CARMIL3: variants seen among roughly 807,000 people sequenced by gnomAD.
CARMIL3 encodes capping protein regulator and myosin 1 linker 3, also known as capping protein, Arp2/3 and myosin-I linker protein 3.
A neutral mutation model predicts 180.8 loss-of-function variants in CARMIL3; 88 were observed. That is an observed-to-expected ratio of 0.49 (90% confidence interval 0.41 to 0.58). The LOEUF is 0.58. CARMIL3 is among the 20% of genes least tolerant of loss of function. CARMIL3 has a pLI of 0.00. For missense variants in CARMIL3, 1,548 were observed against 1,787.0 expected, an observed-to-expected ratio of 0.87 and a Z score of 2.41; for synonymous variants, 696 against 714.5, an observed-to-expected ratio of 0.97 and a Z score of 0.41.
intron 34 of CARMIL3, 26 bp from the exon 35 acceptor site, chr14:24,066,372 T>TA: frequency 1.2e-6 from 2 of 1,612,176 alleles, no homozygotes; most frequent in Non-Finnish European, 1.7e-6. Context: ...GAGACTTTCT[T>TA]ACAACCTGAC....
intron 14 of CARMIL3, among the ~76,000 whole-genome samples, chr14:24,057,532 C>T (rs1041293624): frequency 1.3e-5 from 2 of 152,164 alleles, no homozygotes; most frequent in South Asian, 2.1e-4. Context: ...AACAAGGCAC[C>T]TTAGGAGTCA....
intron 30 of CARMIL3, 63 bp downstream of exon 30, chr14:24,063,246 C>T (rs1249439319): frequency 1.3e-6 from 2 of 1,594,994 alleles, no homozygotes; most frequent in Non-Finnish European, 1.7e-6. Context: ...CCCCTCTTTC[C>T]CTTGATTTTT....
Position 24,055,760 on chromosome 14 carries a change from G to T in CARMIL3, c.741G>T (p.Glu247Asp), listed in dbSNP as rs776629002. Residue 247 changes from glutamate to aspartate, a missense_variant, in exon 10 of 40, where the codon GAG (glutamate) becomes GAT (aspartate). By Grantham distance (45) the Glu-to-Asp change is conservative (BLOSUM62 2). Coordinates refer to ENST00000342740, the MANE Select transcript of CARMIL3 (RefSeq NM_138360.4). ...HTLSKSGSLE[E>D]LVLDNAGLKT... Reference sequence around the variant, plus strand: ...TAAGCAAGTCGGGGAGCCTCGAAGAGCTGGTGCTGGACAACGCCGGGCTTA... The same window carrying T: ...TAAGCAAGTCGGGGAGCCTCGAAGATCTGGTGCTGGACAACGCCGGGCTTA... 5 of 1,614,094 alleles carry T rather than the reference G, an allele frequency of 3.1e-6. No homozygotes were observed. The East Asian group carries it at 1.1e-4, about 36-fold the overall frequency.
Position 24,059,455 on chromosome 14 carries a change from C to G in CARMIL3, c.1799+13C>G. The stretch of plus-strand genomic sequence containing the variant: ...ACTCCTCCCTCAGGTGGGGCCCACA[C>G]CGGGACCCCCTGACCTGGAGCCCCA... On this transcript the variant is annotated intron_variant, in intron 21 of 39. Coordinates refer to ENST00000342740, the MANE Select transcript of CARMIL3 (RefSeq NM_138360.4). This position sits in a 1 kb window ranked among gnomAD's most constrained non-coding sequence, Gnocchi z 6.3. 6.4e-7 allele frequency: 1 copy of G among 1,558,766 alleles called. No individual in the cohort carries two copies. Among genetic ancestry groups the G allele is most frequent in the Non-Finnish European group, 8.7e-7 (1 of 1,151,176 alleles).
intron 32 of CARMIL3, 35 bp from the exon 33 acceptor site, chr14:24,064,923 G>A (rs1276968450): frequency 1.9e-6 from 3 of 1,598,002 alleles, no homozygotes; most frequent in Non-Finnish European, 2.6e-6. Flanking sequence ...GCTTGCATCT[G>A]GCATTTGTTG....
intron 24 of CARMIL3, 152 bp from the exon 25 acceptor site, chr14:24,060,476 A>C: frequency 7.9e-7 from 1 of 1,264,498 alleles, no homozygotes. Context: ...TCAGCTGGGC[A>C]TTCAAGAAGG....
In CARMIL3 at chr14:24,056,622, G is replaced by A. The variant is rs1266073139; in HGVS notation, c.866G>A (p.Gly289Asp). 10 of 1,613,904 alleles carry A rather than the reference G, an allele frequency of 6.2e-6. No homozygotes were observed. Among genetic ancestry groups the A allele is most frequent in the Non-Finnish European group, 8.5e-6 (10 of 1,180,010 alleles). Residue 289 changes from glycine (G) to aspartate (D), a missense_variant and splice_region_variant, in exon 12 of 40, where the codon GGT becomes GAT. Gly to Asp is a moderately conservative substitution (Grantham distance 94). Around this residue, in one of 4 missense-constraint regions of CARMIL3, gnomAD observed 578 missense variants for 666.5 expected, o/e 0.87. Coordinates refer to ENST00000342740, the MANE Select transcript of CARMIL3 (RefSeq NM_138360.4). Reference protein sequence around the residue: ...TLSHNPIEDKGFLSLSQQLLC... With the variant: ...TLSHNPIEDKDFLSLSQQLLC... ...GCCCGTTTCTCTCTCCACTCCCCAG[G>A]TTTTCTCAGTCTGAGCCAGCAGCTC...
chr14:24,069,473 C>A lies in CARMIL3; in HGVS notation c.*69C>A. The stretch of plus-strand genomic sequence containing the variant: ...AAGGACTCAGACCCCTATCCACCCC[C>A]AGTCCCCAGGGCCCCCTGCCAGCCC... On this transcript the variant is annotated 3_prime_UTR_variant, in exon 40 of 40. Transcript: ENST00000342740. The A allele has an allele frequency of 6.2e-7, 1 of 1,601,404 alleles. No homozygotes were observed. The highest frequency in any genetic ancestry group is 8.5e-7 in the Non-Finnish European group (1 of 1,170,880).
At chr14:24,068,757 C>G in intron 37 of CARMIL3, 29 bp from the exon 38 acceptor site, 1 of 1,614,014 alleles carries the variant, frequency 6.2e-7, no homozygotes, top group Non-Finnish European at 8.5e-7. Context: ...AAGGGACTAA[C>G]TGACCCAGCA....
At position 24,060,040 on chromosome 14, in the gene CARMIL3, C is replaced by A; in HGVS notation, c.1939C>A (p.Arg647Ser). Residue 647 changes from arginine to serine, a missense_variant, in exon 23 of 40, where the codon CGC becomes AGC. Coordinates refer to ENST00000342740, the MANE Select transcript of CARMIL3 (RefSeq NM_138360.4). The part of the protein sequence containing the change: ...ISQAYRSAPE[R>S]TEDVWQKIQW... The stretch of plus-strand genomic sequence containing the variant: ...CCAAGCCTATCGCAGCGCGCCTGAG[C>A]GCACCGAGGACGTCTGGCAGAAGGT... The A allele has an allele frequency of 1.1e-5, 17 of 1,613,918 alleles. No individual in the cohort carries two copies. The highest frequency in any genetic ancestry group is 1.4e-5 in the Non-Finnish European group (17 of 1,180,038).
intron 32 of CARMIL3, 89 bp downstream of exon 32, chr14:24,064,435 AT>A: frequency 2.1e-6 from 2 of 941,570 alleles, no homozygotes; most frequent in Non-Finnish European, 3.3e-6. Flanking sequence ...GGGAGTCTCC[AT>A]AACAGCAGTG....
rs1284823841 is a variant in CARMIL3 at position 24,055,725 on chromosome 14, C to T, written c.706C>T (p.Leu236=). ...GGGCTCTGAAGTGCTAGAACAGGTG[C>T]TACATACCCTAAGCAAGTCGGGGAG... ...RLGSEVLEQV[L]HTLSKSGSLE... Residue 236 remains leucine (L), a synonymous_variant, in exon 10 of 40, where the codon CTA becomes TTA. Transcript: ENST00000342740. 1 of 1,613,976 alleles carries T rather than the reference C, an allele frequency of 6.2e-7. No homozygotes were observed. The highest frequency in any genetic ancestry group is 8.5e-7 in the Non-Finnish European group (1 of 1,180,004).
chr14:24,053,211 C>T (rs1235820854), intron 1 of CARMIL3, among the ~76,000 whole-genome samples: 2 of 152,068 alleles, frequency 1.3e-5, no homozygotes, highest in Non-Finnish European at 1.5e-5. Flanking sequence ...TTCACACTTA[C>T]CTGTCCCCAC....
Position 24,056,292 on chromosome 14 carries a change from C to G in CARMIL3, c.771-7C>G. ...TCAGGACAAATCCTTCCTCCCCTTC[C>G]CTGAAGGGACTTTGTCCAGAAGCTG... is the stretch of plus-strand genomic sequence containing the variant. On this transcript the variant is annotated splice_polypyrimidine_tract_variant and splice_region_variant and intron_variant, in intron 10 of 39. Coordinates refer to ENST00000342740, the MANE Select transcript of CARMIL3 (RefSeq NM_138360.4). 3 of 1,612,586 alleles carry G rather than the reference C, an allele frequency of 1.9e-6. No homozygotes were observed. Among genetic ancestry groups the G allele is most frequent in the African/African-American group, 2.7e-5 (2 of 75,000 alleles).
At position 24,066,551 on chromosome 14, in the gene CARMIL3, C is replaced by T; in HGVS notation, c.3593-16C>T. 4 of 1,613,852 alleles carry T rather than the reference C, an allele frequency of 2.5e-6. No homozygotes were observed. Among genetic ancestry groups the T allele is most frequent in the Non-Finnish European group, 3.4e-6 (4 of 1,179,784 alleles). On this transcript the variant is annotated splice_polypyrimidine_tract_variant and intron_variant, in intron 35 of 39. Coordinates refer to ENST00000342740, the MANE Select transcript of CARMIL3 (RefSeq NM_138360.4). ...TCCCTTTCTCCTCTCTTTCTCATCC[C>T]CTCTCTCTACTCCAGGGCCTGGATC...
At chr14:24,056,180 T>C (rs983276422) in intron 10 of CARMIL3, 119 bp from the exon 11 acceptor site, 12 of 764,528 alleles carry the variant, frequency 1.6e-5, no homozygotes, top group Admixed American at 2.5e-5. Flanking sequence ...TGTTCCCCTG[T>C]TGTGGGGGCC....
chr14:24,055,389 T>C, intron 8 of CARMIL3, 79 bp downstream of exon 8: 1 of 1,545,674 alleles, frequency 6.5e-7, no homozygotes. Flanking sequence ...AGTGCCCTTC[T>C]GGTCCCACAG....
Position 24,061,467 on chromosome 14 carries a change from G to A in CARMIL3, c.2305-30G>A. Reference sequence around the variant, plus strand: ...GCCAGCCCTGATCCTGTCCCCCTTGGGCCTCTGGCCTCCCTTTCCCCCATA... The same window carrying A: ...GCCAGCCCTGATCCTGTCCCCCTTGAGCCTCTGGCCTCCCTTTCCCCCATA... On this transcript the variant is annotated intron_variant, in intron 26 of 39. Coordinates refer to ENST00000342740, the MANE Select transcript of CARMIL3 (RefSeq NM_138360.4). The surrounding 1 kb of genome is among the most constrained non-coding windows in gnomAD (Gnocchi z 4.1). The A allele has an allele frequency of 6.3e-7, 1 of 1,599,930 alleles. No homozygotes were observed. The highest frequency in any genetic ancestry group is 2.2e-5 in the East Asian group (1 of 44,714).
In CARMIL3 at chr14:24,054,037, A is replaced by G. The variant is rs1472875664; in HGVS notation, c.136-51A>G. ...TGAAGGGCTTAAGGAGGGCAGGGCC[A>G]CCAAGGCCCAGCAGCTGCCATGAGC... On this transcript the variant is annotated intron_variant, in intron 2 of 39. Transcript: ENST00000342740. This position sits in a 1 kb window ranked among gnomAD's most constrained non-coding sequence, Gnocchi z 5.1. 6.3e-7 allele frequency: 1 copy of G among 1,599,786 alleles called. No individual in the cohort carries two copies. Among genetic ancestry groups the G allele is most frequent in the African/African-American group, 1.3e-5 (1 of 74,556 alleles).
Sources: gnomAD v4.1 joint callset for allele counts (sites outside exome capture counted in the v4.1 genomes callset) on GRCh38, gnomAD v4.1.1 for gene constraint, gnomAD v4.1.1 regional missense constraint, Gnocchi (gnomAD v3.1) non-coding constraint, MANE v1.5 for transcripts, NCBI Gene and HGNC (gene_info 2026-07-23, HGNC 2026-07-21) for gene names.